PCDHA12: variants seen among roughly 807,000 people sequenced by gnomAD.
The protein encoded by PCDHA12 is protocadherin alpha-12.
Under a neutral mutation model 60.0 loss-of-function variants are expected in PCDHA12, and 44 were observed. That is an observed-to-expected ratio of 0.73 (90% CI 0.58 to 0.94). The LOEUF (loss-of-function observed/expected upper bound fraction) is 0.94, where lower values mean the gene tolerates loss of function less well. Ranked by LOEUF, PCDHA12 falls within the 40% of genes least tolerant of loss-of-function variation. The pLI is 0.00. For synonymous variants in PCDHA12, 569 were observed against 553.0 expected, an observed-to-expected ratio of 1.03 and a Z score of -0.40; for missense variants, 1,276 against 1,239.7, an observed-to-expected ratio of 1.03 and a Z score of -0.44.
chr5:140,989,686 C>T (rs534780216), intron 3 of PCDHA12, among the ~76,000 whole-genome samples: 2 of 152,254 alleles, frequency 1.3e-5, no homozygotes, highest in African/African-American at 4.8e-5. Flanking sequence ...TTCAAAGGAA[C>T]GTGAAAATTT....
intron 3 of PCDHA12, among the ~76,000 whole-genome samples, chr5:141,000,421 ATTTTTTTT>A (rs34755515): frequency 1.4e-4 from 4 of 27,978 alleles, no homozygotes; most frequent in African/African-American, 7.1e-4. Flanking sequence ...ATATATATAT[ATTTTTTTT>A]TTTTTTTTTT....
chr5:140,949,714 T>A (rs2094416715), intron 1 of PCDHA12, among the ~76,000 whole-genome samples: 1 of 151,848 alleles, frequency 6.6e-6, no homozygotes, highest in South Asian at 2.1e-4. Flanking sequence ...TTTTACCCAT[T>A]TTGATAATAT....
chr5:140,928,981 G>A, intron 1 of PCDHA12: 1 of 1,613,802 alleles, frequency 6.2e-7, no homozygotes, highest in Non-Finnish European at 8.5e-7. Context: ...TTTATTTCTG[G>A]GGTGCTTACT....
At chr5:141,001,223 A>G (rs1349302343) in intron 3 of PCDHA12, among the ~76,000 whole-genome samples, 6 of 152,228 alleles carry the variant, frequency 3.9e-5, no homozygotes, top group Non-Finnish European at 8.8e-5. Context: ...AAGGATAGTT[A>G]CATTTAATCT....
At chr5:140,917,495 AATG>A (rs1391932074) in intron 1 of PCDHA12, among the ~76,000 whole-genome samples, 1 of 152,174 alleles carries the variant, frequency 6.6e-6, no homozygotes, top group Non-Finnish European at 1.5e-5. Flanking sequence ...CTATGCCCAG[AATG>A]ATATTTTCTA....
rs904001764 is a variant in PCDHA12 at position 140,877,581 on chromosome 5, C to G, written c.2109C>G (p.Ala703=). 6.2e-7 allele frequency: 1 copy of G among 1,613,842 alleles called. No homozygotes were observed. Among genetic ancestry groups the G allele is most frequent in the Admixed American group, 1.7e-5 (1 of 60,032 alleles). The change falls in exon 1 of 4, where the codon GCC becomes GCG. Residue 703 remains alanine, a synonymous_variant. Transcript: ENST00000398631. The part of the protein sequence containing the change: ...LVDINVYLII[A]ICAVSSLLVL... Reference sequence around the variant, plus strand: ...ATATTAACGTGTACCTCATCATCGCCATCTGTGCGGTGTCCAGCCTGCTGG... The same window carrying G: ...ATATTAACGTGTACCTCATCATCGCGATCTGTGCGGTGTCCAGCCTGCTGG...
intron 1 of PCDHA12, chr5:140,968,723 GGTA>G (rs1199893104): frequency 9.3e-6 from 15 of 1,613,990 alleles, no homozygotes; most frequent in Non-Finnish European, 1.3e-5. Context: ...AGATGAGAGT[GGTA>G]GCACTTTCAA....
At chr5:141,001,279 G>A (rs1317213469) in intron 3 of PCDHA12, among the ~76,000 whole-genome samples, 1 of 151,942 alleles carries the variant, frequency 6.6e-6, no homozygotes, top group African/African-American at 2.4e-5. Context: ...CTTTTTTTAC[G>A]GATGAAAACT....
intron 1 of PCDHA12, among the ~76,000 whole-genome samples, chr5:140,907,345 G>A (rs568376480): frequency 3.3e-5 from 5 of 152,296 alleles, no homozygotes; most frequent in East Asian, 1.9e-4. Flanking sequence ...GCATGAGCCC[G>A]CTGCTGCACT....
At position 140,875,516 on chromosome 5, in the gene PCDHA12, T is replaced by C; in HGVS notation, c.44T>C (p.Leu15Pro). ...GPRGPGSQRL[L>P]LSLLLLAAWE... ...AGAGGCCCGGGATCCCAGCGTCTGC[T>C]GCTCTCGCTTCTGCTCCTTGCAGCC... Residue 15 changes from leucine to proline, a missense_variant, in exon 1 of 4, where the codon CTG becomes CCG. By Grantham distance (98) the Leu-to-Pro change is moderately conservative (BLOSUM62 -3). Transcript: ENST00000398631. 6.2e-7 allele frequency: 1 copy of C among 1,613,976 alleles called. No individual in the cohort carries two copies. The highest frequency in any genetic ancestry group is 8.5e-7 in the Non-Finnish European group (1 of 1,179,880).
chr5:140,982,416 A>C, intron 2 of PCDHA12, 59 bp from the exon 3 acceptor site: 1 of 1,610,294 alleles, frequency 6.2e-7, no homozygotes, highest in Non-Finnish European at 8.5e-7. Context: ...TGAGGGTGGA[A>C]GAAGAGATGG....
intron 1 of PCDHA12, among the ~76,000 whole-genome samples, chr5:140,902,264 C>G (rs1187258512): frequency 6.8e-6 from 1 of 147,240 alleles, no homozygotes; most frequent in Admixed American, 6.9e-5. Context: ...TCTCGAACTC[C>G]TGGGCTCAAG....
At chr5:140,996,308 A>G (rs997099218) in intron 3 of PCDHA12, among the ~76,000 whole-genome samples, 4 of 152,240 alleles carry the variant, frequency 2.6e-5, no homozygotes, top group African/African-American at 9.6e-5. Flanking sequence ...GTAACAAAGT[A>G]AGGGGGGAGG....
intron 1 of PCDHA12, among the ~76,000 whole-genome samples, chr5:140,893,139 C>G (rs2063839594): frequency 6.6e-6 from 1 of 152,186 alleles, no homozygotes; most frequent in East Asian, 1.9e-4. Context: ...TCTTTATCCA[C>G]TCATCTGTTG....
intron 1 of PCDHA12, among the ~76,000 whole-genome samples, chr5:140,962,792 T>C (rs1554226245): frequency 6.6e-6 from 1 of 152,234 alleles, no homozygotes; most frequent in African/African-American, 2.4e-5. Context: ...AAAAACTACT[T>C]TGGACAACTC....
At chr5:140,924,263 G>T (rs1292368780) in intron 1 of PCDHA12, among the ~76,000 whole-genome samples, 3 of 152,148 alleles carry the variant, frequency 2.0e-5, no homozygotes, top group African/African-American at 7.2e-5. Context: ...ATCTAATGAG[G>T]TCTGTACTTG....
chr5:140,926,805 G>T (rs1383202456), intron 1 of PCDHA12: 3 of 1,452,468 alleles, frequency 2.1e-6, no homozygotes, highest in East Asian at 5.0e-5. Flanking sequence ...GCTCTTCCCC[G>T]CGGCTCGTGC....
chr5:140,978,182 AC>A (rs1240611427), intron 1 of PCDHA12, among the ~76,000 whole-genome samples: 1 of 152,186 alleles, frequency 6.6e-6, no homozygotes, highest in African/African-American at 2.4e-5. Context: ...AGAGAGGGCA[AC>A]AGATCTTTTC....
At chr5:140,885,179 C>T (rs972760379) in intron 1 of PCDHA12, among the ~76,000 whole-genome samples, 37 of 152,232 alleles carry the variant, frequency 2.4e-4, no homozygotes, top group African/African-American at 8.9e-4. Flanking sequence ...CCTCTAGGCA[C>T]ATCAGTGTTC....
Sources: allele counts gnomAD v4.1 joint callset (sites outside exome capture counted in the v4.1 genomes callset), GRCh38; gene constraint gnomAD v4.1.1; transcripts MANE v1.5; gene names NCBI Gene and HGNC (gene_info 2026-07-23, HGNC 2026-07-21).